PRDM6: variants seen among roughly 807,000 people sequenced by gnomAD.
PRDM6 encodes the protein putative histone-lysine N-methyltransferase PRDM6.
A neutral mutation model predicts 60.8 loss-of-function variants in PRDM6; 25 were observed. The ratio of observed to expected loss-of-function variants is 0.41; its 90% confidence interval spans 0.30 to 0.57. The LOEUF (loss-of-function observed/expected upper bound fraction) is 0.57, where lower values mean the gene tolerates loss of function less well. Ranked by LOEUF, PRDM6 falls within the 20% of genes least tolerant of loss-of-function variation. PRDM6 has a pLI of 0.27. For missense variants in PRDM6, 839 were observed against 821.3 expected (o/e 1.02, Z -0.26); for synonymous variants, 407 against 357.4 (o/e 1.14, Z -1.57).
intron 3 of PRDM6, among the ~76,000 whole-genome samples, chr5:123,154,049 T>G (rs1464879832): frequency 6.6e-6 from 1 of 152,130 alleles, no homozygotes; most frequent in African/African-American, 2.4e-5. Context: ...ATGTTGCAAT[T>G]TTGAAGAAAC....
intron 2 of PRDM6, among the ~76,000 whole-genome samples, chr5:123,098,419 C>T (rs1032127952): frequency 1.3e-5 from 2 of 152,244 alleles, no homozygotes; most frequent in Non-Finnish European, 2.9e-5. Context: ...TCGGGGCAGG[C>T]CATCCGCGCT....
chr5:123,161,104 A>T (rs1561866346), intron 5 of PRDM6, among the ~76,000 whole-genome samples: 1 of 152,218 alleles, frequency 6.6e-6, no homozygotes. Context: ...ATCCAAAAGG[A>T]TTCTAGAAAT....
At chr5:123,170,205 C>T (rs1765853775) in intron 5 of PRDM6, among the ~76,000 whole-genome samples, 1 of 152,194 alleles carries the variant, frequency 6.6e-6, no homozygotes, top group Admixed American at 6.5e-5. Flanking sequence ...ATGCGACACT[C>T]CTCCTGCCTC....
chr5:123,180,300 C>T lies in PRDM6; in HGVS notation c.1650C>T (p.Thr550=). The change falls in exon 7 of 8, where the codon ACC becomes ACT. Residue 550 remains threonine, a synonymous_variant. Coordinates refer to ENST00000407847, the MANE Select transcript of PRDM6 (RefSeq NM_001136239.4). ...CCACCCTCAACAACCACATCCGAAC[C>T]CACACTGGAGAAAAGCCCTTCAAGT... is the stretch of plus-strand genomic sequence containing the variant. ...GATTLNNHIR[T]HTGEKPFKCE... is the part of the protein sequence containing the mutation. 1.3e-6 allele frequency: 2 copies of T among 1,551,322 alleles called. No homozygotes were observed. Among genetic ancestry groups the T allele is most frequent in the Non-Finnish European group, 1.7e-6 (2 of 1,146,794 alleles).
intron 3 of PRDM6, among the ~76,000 whole-genome samples, chr5:123,113,884 A>G (rs1764371418): frequency 6.6e-6 from 1 of 152,168 alleles, no homozygotes; most frequent in African/African-American, 2.4e-5. Flanking sequence ...CTTCATATTT[A>G]TTATCCTAGA....
At chr5:123,186,950 C>A in intron 7 of PRDM6, 137 bp from the exon 8 acceptor site, 1 of 624,412 alleles carries the variant, frequency 1.6e-6, no homozygotes, top group Non-Finnish European at 2.9e-6. Context: ...TTGGAAGGAG[C>A]CACCAATTAA....
chr5:123,159,587 T>C lies in PRDM6; in HGVS notation c.1102T>C (p.Tyr368His), dbSNP rs1449934335. ...GCTTCTGGTGTGGTACAATGACAGC[T>C]ATACGTCTTTCTTTGGGATCCCCTT... ...TELLVWYNDS[Y>H]TSFFGIPLQC... The change falls in exon 5 of 8, where the codon TAT becomes CAT. Residue 368 changes from tyrosine (Y) to histidine (H), a missense_variant. Transcript: ENST00000407847. The C allele has an allele frequency of 1.9e-6, 3 of 1,551,614 alleles. No individual in the cohort carries two copies. Among genetic ancestry groups the C allele is most frequent in the Non-Finnish European group, 2.6e-6 (3 of 1,146,790 alleles).
intron 3 of PRDM6, among the ~76,000 whole-genome samples, chr5:123,122,770 T>C (rs1303333288): frequency 2.0e-5 from 3 of 152,166 alleles, no homozygotes; most frequent in Admixed American, 1.3e-4. Flanking sequence ...CTAGTTTTTT[T>C]CTTGTGGCAA....
intron 3 of PRDM6, among the ~76,000 whole-genome samples, chr5:123,130,487 C>T (rs761939417): frequency 6.6e-6 from 1 of 151,096 alleles, no homozygotes; most frequent in African/African-American, 2.4e-5. Context: ...TTTAGCAGTA[C>T]ACATATGTTT....
chr5:123,090,576 C>G lies in PRDM6; in HGVS notation c.562C>G (p.Leu188Val). 7.9e-6 allele frequency: 12 copies of G among 1,525,596 alleles called. No individual in the cohort carries two copies. Among genetic ancestry groups the G allele is most frequent in the Non-Finnish European group, 9.6e-6 (11 of 1,143,622 alleles). The allele number at this position is 1,525,596 out of a possible 1,614,324, so 94.5% of individuals were successfully genotyped here. A position where few individuals can be genotyped will look rare whatever the true frequency, so the allele number is the denominator to read the frequency against. Residue 188 changes from leucine to valine, a missense_variant, in exon 2 of 8, where the codon CTC (leucine) becomes GTC (valine). Transcript: ENST00000407847. ...CCAGCAGCGCATGGAGATCATCCCG[C>G]TCAACCAGCACACCAGCGACCCCAA... is the stretch of plus-strand genomic sequence containing the variant. ...YGQQRMEIIP[L>V]NQHTSDPNNR...
intron 5 of PRDM6, among the ~76,000 whole-genome samples, chr5:123,168,585 T>TC (rs1765813814): frequency 1.3e-5 from 2 of 152,198 alleles, no homozygotes; most frequent in African/African-American, 4.8e-5. Context: ...TTGGGAAACT[T>TC]TAAAAAATGT....
At chr5:123,136,895 C>T (rs1308029651) in intron 3 of PRDM6, among the ~76,000 whole-genome samples, 1 of 152,154 alleles carries the variant, frequency 6.6e-6, no homozygotes, top group Non-Finnish European at 1.5e-5. Flanking sequence ...GAGGGGCATC[C>T]CAAGTTTGCA....
intron 5 of PRDM6, among the ~76,000 whole-genome samples, chr5:123,170,398 G>T (rs1029396610): frequency 6.6e-6 from 1 of 152,074 alleles, no homozygotes; most frequent in Admixed American, 6.5e-5. Flanking sequence ...ACCCTCTCTG[G>T]GCAACATCCC....
At chr5:123,163,960 T>C (rs2126878628) in intron 5 of PRDM6, among the ~76,000 whole-genome samples, 1 of 152,184 alleles carries the variant, frequency 6.6e-6, no homozygotes, top group African/African-American at 2.4e-5. Flanking sequence ...CTCTTCACGG[T>C]GCCCCTCACC....
At position 123,187,618 on chromosome 5, in the gene PRDM6, A is replaced by G. The variant is rs1429319888; in HGVS notation, c.*417A>G. ...TTTTTTAGTAACATGTTTCATGGGG[A>G]CCCACTGTACAGCCCTTCATTCTGC... On this transcript the variant is annotated 3_prime_UTR_variant, in exon 8 of 8. Transcript: ENST00000407847. The G allele has an allele frequency of 5.3e-6, 1 of 190,454 alleles. No homozygotes were observed. Among genetic ancestry groups the G allele is most frequent in the Non-Finnish European group, 1.1e-5 (1 of 90,906 alleles). The allele number at this position is 190,454 out of a possible 1,614,324, so 11.8% of individuals were successfully genotyped here. A position where few individuals can be genotyped will look rare whatever the true frequency, so the allele number is the denominator to read the frequency against.
chr5:123,140,201 C>T (rs907596129), intron 3 of PRDM6, among the ~76,000 whole-genome samples: 4 of 151,680 alleles, frequency 2.6e-5, no homozygotes, highest in African/African-American at 7.3e-5. Flanking sequence ...AAATTATCTG[C>T]GCTTGGCCAA....
intron 5 of PRDM6, among the ~76,000 whole-genome samples, chr5:123,168,934 A>C (rs1007949445): frequency 2.0e-5 from 3 of 152,200 alleles, no homozygotes; most frequent in African/African-American, 7.2e-5. Flanking sequence ...CGTGGCAGTC[A>C]TAGTCCCCCA....
intron 6 of PRDM6, among the ~76,000 whole-genome samples, chr5:123,179,885 TAAGA>T (rs1254813122): frequency 6.6e-6 from 1 of 152,080 alleles, no homozygotes; most frequent in African/African-American, 2.4e-5. Context: ...AAGATAAAAA[TAAGA>T]AAGTAGGGGT....
chr5:123,104,406 C>A (rs540767064), intron 3 of PRDM6, among the ~76,000 whole-genome samples: 1 of 151,852 alleles, frequency 6.6e-6, no homozygotes, highest in Non-Finnish European at 1.5e-5. Context: ...TAATCATTTT[C>A]AATTAAATTA....
Sources: gnomAD v4.1 joint callset for allele counts (sites outside exome capture counted in the v4.1 genomes callset) on GRCh38, gnomAD v4.1.1 for gene constraint, MANE v1.5 for transcripts, NCBI Gene and HGNC (gene_info 2026-07-23, HGNC 2026-07-21) for gene names.